The following ABCB9 variants were observed in gnomAD, a reference collection of about 807,000 sequenced individuals.
ABCB9 encodes ABC-type oligopeptide transporter ABCB9.
A neutral mutation model predicts 62.0 loss-of-function variants in ABCB9; 36 were observed. The observed-to-expected ratio is 0.58, with a 90% CI of 0.45 to 0.77. The LOEUF is 0.77. ABCB9 is among the 30% of genes least tolerant of loss of function. The probability of loss-of-function intolerance (pLI) is 0.00; values close to 1 mark genes in which losing one functional copy is unlikely to be tolerated. For synonymous variants in ABCB9, 435 were observed against 461.4 expected (o/e 0.94, Z 0.73); for missense variants, 943 against 1,054.7 (o/e 0.89, Z 1.47).
chr12:122,955,787 C>G (rs149460209), intron 2 of ABCB9, among the ~76,000 whole-genome samples: 1 of 151,254 alleles, frequency 6.6e-6, no homozygotes, highest in African/African-American at 2.4e-5. Flanking sequence ...TCCCAGCTAA[C>G]TGCAGCCTCC....
Position 122,959,694 on chromosome 12 carries a change from G to C in ABCB9, c.542C>G (p.Thr181Ser), listed in dbSNP as rs1257649292. ...GATLQKLLSY[T>S]KPDVAFLVAA... ...CACGAGGAAGGCCACGTCGGGCTTG[G>C]TGTAGGAGAGCAGCTTCTGCAGCGT... is the stretch of plus-strand genomic sequence containing the variant. The change falls in exon 2 of 12, where the codon ACC (threonine) becomes AGC (serine). Residue 181 changes from threonine (T) to serine (S), a missense_variant. Coordinates refer to ENST00000280560, the MANE Select transcript of ABCB9 (RefSeq NM_019625.4). The surrounding 1 kb of genome is among the most constrained non-coding windows in gnomAD (Gnocchi z 5.4). The C allele has an allele frequency of 6.2e-7, 1 of 1,607,516 alleles. No homozygotes were observed. Among genetic ancestry groups the C allele is most frequent in the Admixed American group, 1.7e-5 (1 of 59,838 alleles).
At chr12:122,926,714 C>A (rs185346625), downstream of ABCB9, among the ~76,000 whole-genome samples, 5 of 151,478 alleles carry the variant, frequency 3.3e-5, no homozygotes, top group East Asian at 9.6e-4. Flanking sequence ...CAAAGCAAGG[C>A]CTGTCTCTAC....
chr12:122,937,241 C>T (rs997992230), intron 9 of ABCB9, among the ~76,000 whole-genome samples: 17 of 151,830 alleles, frequency 1.1e-4, no homozygotes, highest in African/African-American at 3.9e-4. Context: ...TGCCTGTAGT[C>T]CCAGCTACTT....
chr12:122,929,029 C>G lies in ABCB9; in HGVS notation c.*882G>C. 1 of 985,906 alleles carries G rather than the reference C, an allele frequency of 1.0e-6. No individual in the cohort carries two copies. Among genetic ancestry groups the G allele is most frequent in the Non-Finnish European group, 1.2e-6 (1 of 829,976 alleles). The allele number at this position is 985,906 out of a possible 1,614,324, so 61.1% of individuals were successfully genotyped here. On this transcript the variant is annotated 3_prime_UTR_variant, in exon 12 of 12. Transcript: ENST00000280560. This position sits in a 1 kb window ranked among gnomAD's most constrained non-coding sequence, Gnocchi z 6.0. Reference sequence around the variant, plus strand: ...GGTAGTACACTTTATTGACCGGGTTCTCTCAACATGTTGCAACCTCTGGCA... The same window carrying G: ...GGTAGTACACTTTATTGACCGGGTTGTCTCAACATGTTGCAACCTCTGGCA...
chr12:122,940,798 C>T lies in ABCB9; in HGVS notation c.1569+9G>A, dbSNP rs372244054. The T allele has an allele frequency of 1.9e-5, 30 of 1,569,192 alleles. No homozygotes were observed. Among genetic ancestry groups the T allele is most frequent in the African/African-American group, 9.4e-5 (7 of 74,272 alleles). On this transcript the variant is annotated intron_variant, in intron 8 of 11. Coordinates refer to ENST00000280560, the MANE Select transcript of ABCB9 (RefSeq NM_019625.4). This position sits in a 1 kb window ranked among gnomAD's most constrained non-coding sequence, Gnocchi z 4.8. ...GCTGATTCTGGCAGGCCTCAAGCCG[C>T]GCCCTCACCTGCAGGACCTGGGTGT...
At chr12:122,921,232 T>C (rs996602207) in intron 11 of ABCB9, among the ~76,000 whole-genome samples, 3 of 151,326 alleles carry the variant, frequency 2.0e-5, no homozygotes, top group African/African-American at 7.3e-5. Context: ...CTAGGCAACA[T>C]AACCACAACT....
At chr12:122,962,574 A>C (rs1255373131) in intron 1 of ABCB9, among the ~76,000 whole-genome samples, 3 of 152,200 alleles carry the variant, frequency 2.0e-5, no homozygotes, top group African/African-American at 2.4e-5. Flanking sequence ...AGGCACAGAG[A>C]GACAAAACCA....
intron 7 of ABCB9, 88 bp from the exon 8 acceptor site, chr12:122,941,083 A>C (rs2035741519): frequency 2.8e-6 from 4 of 1,411,926 alleles, no homozygotes; most frequent in Non-Finnish European, 3.8e-6. Flanking sequence ...AGGTATAGGG[A>C]AAGCAAGGAG....
At chr12:122,937,673 A>G (rs1566162501) in intron 9 of ABCB9, among the ~76,000 whole-genome samples, 1 of 151,986 alleles carries the variant, frequency 6.6e-6, no homozygotes, top group African/African-American at 2.4e-5. Context: ...ACAACAATCT[A>G]CCTCTGGTTA....
chr12:122,957,154 C>T (rs1566189984), intron 2 of ABCB9, among the ~76,000 whole-genome samples: 1 of 152,028 alleles, frequency 6.6e-6, no homozygotes. Context: ...GATCCTCCCA[C>T]CTTAGCCTCC....
rs1418407475 is a variant in ABCB9, at chr12:122,944,791, C to A, written c.1252-272G>T. On this transcript the variant is annotated intron_variant, in intron 6 of 11. Transcript: ENST00000280560. The surrounding 1 kb of genome is among the most constrained non-coding windows in gnomAD (Gnocchi z 4.9). ...GTGAGGTCCTGGCACACACATGCCA[C>A]CCCCAGGCTCCTCAGCTTGGCCACC... is the stretch of plus-strand genomic sequence containing the variant. 1 of 344,120 alleles carries A rather than the reference C, an allele frequency of 2.9e-6. No homozygotes were observed. The highest frequency in any genetic ancestry group is 5.5e-6 in the Non-Finnish European group (1 of 180,802). 21.3% of individuals were successfully genotyped at this position (344,120 alleles called of 1,614,324 possible). A position where few individuals can be genotyped will look rare whatever the true frequency, so the allele number is the denominator to read the frequency against.
intron 2 of ABCB9, chr12:122,951,767 C>A (rs2036380707): frequency 6.6e-6 from 1 of 152,104 alleles, no homozygotes; most frequent in Non-Finnish European, 1.5e-5. Flanking sequence ...TCACAACAAT[C>A]CTGGGGTGGA....
At chr12:122,941,563 C>A (rs1222628543) in intron 7 of ABCB9, among the ~76,000 whole-genome samples, 1 of 152,032 alleles carries the variant, frequency 6.6e-6, no homozygotes, top group Non-Finnish European at 1.5e-5. Flanking sequence ...CCCACCTCAC[C>A]CTCCCAAAGT....
At chr12:122,968,017 A>G (rs1258122716), upstream of ABCB9, among the ~76,000 whole-genome samples, 1 of 152,186 alleles carries the variant, frequency 6.6e-6, no homozygotes, top group African/African-American at 2.4e-5. Flanking sequence ...ACCCTTCCAT[A>G]GGGAACTGGC....
At chr12:122,938,909 C>T (rs1263524144) in intron 9 of ABCB9, among the ~76,000 whole-genome samples, 4 of 151,408 alleles carry the variant, frequency 2.6e-5, no homozygotes, top group East Asian at 2.0e-4. Flanking sequence ...CGGTGGCTCA[C>T]GCCTATAAAC....
At chr12:122,948,114 T>G (rs2036143455) in intron 5 of ABCB9, 1 of 152,462 alleles carries the variant, frequency 6.6e-6, no homozygotes, top group Non-Finnish European at 1.5e-5. Context: ...AAAAAATTTT[T>G]TTTTGTAGAG....
chr12:122,955,286 C>T (rs1369418540), intron 2 of ABCB9, among the ~76,000 whole-genome samples: 1 of 152,204 alleles, frequency 6.6e-6, no homozygotes, highest in Non-Finnish European at 1.5e-5. Context: ...TGATGCAATC[C>T]TGCAAGCCGG....
chr12:122,949,823 G>T lies in ABCB9; in HGVS notation c.812C>A (p.Ser271Tyr). ...LRNCLFRSLVSQETSFFDENR... is the reference protein window; with the variant it reads ...LRNCLFRSLVYQETSFFDENR... The stretch of plus-strand genomic sequence containing the variant: ...CTCATCAAAGAAGCTTGTCTCCTGG[G>T]ACACCAGTGAGCGGAAGAGACAGTT... The change falls in exon 4 of 12, where the codon TCC becomes TAC. Residue 271 changes from serine (S) to tyrosine (Y), a missense_variant. By Grantham distance (144) the Ser-to-Tyr change is moderately radical. Transcript: ENST00000280560. 1 of 1,614,224 alleles carries T rather than the reference G, an allele frequency of 6.2e-7. No homozygotes were observed. Among genetic ancestry groups the T allele is most frequent in the Non-Finnish European group, 8.5e-7 (1 of 1,180,020 alleles).
chr12:122,924,271 G>T (rs149775177), downstream of ABCB9, among the ~76,000 whole-genome samples: 1 of 152,312 alleles, frequency 6.6e-6, no homozygotes, highest in Non-Finnish European at 1.5e-5. Flanking sequence ...TTTTCTCTGG[G>T]CCTCAGTTTC....
Sources: allele counts gnomAD v4.1 joint callset (sites outside exome capture counted in the v4.1 genomes callset), GRCh38; gene constraint gnomAD v4.1.1; non-coding constraint Gnocchi (gnomAD v3.1); transcripts MANE v1.5; gene names NCBI Gene and HGNC (gene_info 2026-07-23, HGNC 2026-07-21).